Variants in SELENOI observed in about 807,000 individuals in gnomAD.
SELENOI encodes selenoprotein I.
A neutral mutation model predicts 50.7 loss-of-function variants in SELENOI; 24 were observed. The observed-to-expected ratio is 0.47, with a 90% CI of 0.34 to 0.67. The LOEUF (loss-of-function observed/expected upper bound fraction) is 0.67, where lower values mean the gene tolerates loss of function less well. Ranked by LOEUF, SELENOI falls within the 30% of genes least tolerant of loss-of-function variation. SELENOI has a pLI of 0.01. For synonymous variants in SELENOI, 155 were observed against 170.2 expected (o/e 0.91, Z 0.70); for missense variants, 352 against 461.4 (o/e 0.76, Z 2.17).
intron 6 of SELENOI, among the ~76,000 whole-genome samples, chr2:26,376,028 C>T (rs1405533714): frequency 1.3e-5 from 2 of 148,566 alleles, no homozygotes; most frequent in East Asian, 4.0e-4. Flanking sequence ...TACCGGAGCC[C>T]AGTGAGCTAT....
At chr2:26,358,613 C>G (rs1677112618) in intron 1 of SELENOI, among the ~76,000 whole-genome samples, 1 of 152,168 alleles carries the variant, frequency 6.6e-6, no homozygotes, top group Admixed American at 6.5e-5. Context: ...ATTAGCATGA[C>G]CAGATTTATA....
chr2:26,372,928 G>A (rs894160057), intron 4 of SELENOI, among the ~76,000 whole-genome samples: 1 of 152,072 alleles, frequency 6.6e-6, no homozygotes, highest in African/African-American at 2.4e-5. Context: ...TCGCTCTGTT[G>A]CCCAGACTGG....
intron 1 of SELENOI, among the ~76,000 whole-genome samples, chr2:26,359,117 T>C (rs901350112): frequency 6.6e-6 from 1 of 152,218 alleles, no homozygotes; most frequent in African/African-American, 2.4e-5. Flanking sequence ...GTGACTGCTT[T>C]CCTGTTCCAA....
At position 26,395,188 on chromosome 2, in the gene SELENOI, A is replaced by G. The variant is rs567937487; in HGVS notation, c.*6085A>G. 2.0e-5 allele frequency: 3 copies of G among 152,310 alleles called. No individual in the cohort carries two copies. Among genetic ancestry groups the G allele is most frequent in the Non-Finnish European group, 2.9e-5 (2 of 68,032 alleles). The allele number at this position is 152,310 out of a possible 1,614,324, so 9.4% of individuals were successfully genotyped here. ...TATTCACTACATATGTATGTATGATATATTCATATATACATGCAGTCTGCT... is the reference window on the plus strand; with the variant it reads ...TATTCACTACATATGTATGTATGATGTATTCATATATACATGCAGTCTGCT... On this transcript the variant is annotated 3_prime_UTR_variant, in exon 10 of 10. Transcript: ENST00000260585.
chr2:26,370,958 G>A (rs1181649402), intron 4 of SELENOI, among the ~76,000 whole-genome samples: 3 of 136,538 alleles, frequency 2.2e-5, no homozygotes, highest in Admixed American at 7.0e-5. Context: ...CCCGGATGGG[G>A]CGGCTGGCCG....
chr2:26,378,901 C>A (rs1259127156), intron 6 of SELENOI, among the ~76,000 whole-genome samples: 2 of 152,156 alleles, frequency 1.3e-5, no homozygotes, highest in African/African-American at 4.8e-5. Context: ...ATAAGGTTTT[C>A]TGTAAAAGAA....
chr2:26,370,011 C>G (rs1181005979), intron 4 of SELENOI, among the ~76,000 whole-genome samples: 1 of 149,784 alleles, frequency 6.7e-6, no homozygotes, highest in Non-Finnish European at 1.5e-5. Context: ...TGTGGCCTTC[C>G]GCAGCGTTTG....
intron 6 of SELENOI, among the ~76,000 whole-genome samples, chr2:26,378,908 A>C (rs1677624697): frequency 6.6e-6 from 1 of 152,220 alleles, no homozygotes; most frequent in African/African-American, 2.4e-5. Flanking sequence ...TTTCTGTAAA[A>C]GAACCACAAT....
chr2:26,358,862 C>T (rs537073399), intron 1 of SELENOI, among the ~76,000 whole-genome samples: 149 of 152,186 alleles, frequency 9.8e-4, no homozygotes, highest in African/African-American at 3.2e-3. Flanking sequence ...TTAGTTGTCC[C>T]GGGAATTAAT....
intron 1 of SELENOI, among the ~76,000 whole-genome samples, chr2:26,349,002 T>A (rs1676889276): frequency 7.2e-5 from 1 of 13,974 alleles, no homozygotes; most frequent in African/African-American, 2.7e-4. Context: ...CAGGCTTTTT[T>A]TTTTTTTTTT....
At chr2:26,383,263 G>A (rs1342620339) in intron 6 of SELENOI, 36 bp from the exon 7 acceptor site, 2 of 1,463,058 alleles carry the variant, frequency 1.4e-6, no homozygotes, top group African/African-American at 1.4e-5. Context: ...AATTGCTCTT[G>A]AATAAGCATA....
intron 1 of SELENOI, among the ~76,000 whole-genome samples, chr2:26,362,727 G>A (rs1677207366): frequency 6.6e-6 from 1 of 151,944 alleles, no homozygotes; most frequent in South Asian, 2.1e-4. Context: ...CTGCATTCCC[G>A]CCTGGGTGAC....
chr2:26,373,617 C>T lies in SELENOI; in HGVS notation c.561C>T (p.Asp187=). 1 of 1,613,784 alleles carries T rather than the reference C, an allele frequency of 6.2e-7. No homozygotes were observed. The highest frequency in any genetic ancestry group is 8.5e-7 in the Non-Finnish European group (1 of 1,179,810). ...TGILFLPWGY[D]ISQVTISFVY... Reference sequence around the variant, plus strand: ...TTCTTTTCCTGCCATGGGGATATGACATTAGCCAGGTGGTAAGTATGTGTT... The same window carrying T: ...TTCTTTTCCTGCCATGGGGATATGATATTAGCCAGGTGGTAAGTATGTGTT... Residue 187 remains aspartate (D), a synonymous_variant, in exon 5 of 10, where the codon GAC becomes GAT. Transcript: ENST00000260585.
chr2:26,354,338 G>A (rs914588837), intron 1 of SELENOI, among the ~76,000 whole-genome samples: 8 of 152,120 alleles, frequency 5.3e-5, no homozygotes, highest in African/African-American at 1.9e-4. Flanking sequence ...AAAACTAAGA[G>A]TGAAATATAA....
chr2:26,380,199 C>A (rs1421844299), intron 6 of SELENOI, among the ~76,000 whole-genome samples: 2 of 152,152 alleles, frequency 1.3e-5, no homozygotes, highest in Non-Finnish European at 2.9e-5. Context: ...GAGGTATATT[C>A]AAAGAAGTCT....
chr2:26,360,356 G>C (rs1677150367), intron 1 of SELENOI, among the ~76,000 whole-genome samples: 1 of 152,152 alleles, frequency 6.6e-6, no homozygotes, highest in African/African-American at 2.4e-5. Flanking sequence ...AGCTGTTATT[G>C]AATGTCAAAT....
chr2:26,374,974 C>G, intron 5 of SELENOI, 66 bp from the exon 6 acceptor site: 1 of 1,074,684 alleles, frequency 9.3e-7, no homozygotes, highest in Non-Finnish European at 1.4e-6. Context: ...CTGCATAAAG[C>G]ATGGTGACTC....
At chr2:26,386,635 A>G in intron 9 of SELENOI, 99 bp downstream of exon 9, 1 of 1,050,470 alleles carries the variant, frequency 9.5e-7, no homozygotes, top group Non-Finnish European at 1.3e-6. Flanking sequence ...TTTTAAAAAG[A>G]AAGTTGCTTA....
At position 26,389,085 on chromosome 2, in the gene SELENOI, A is replaced by G. The variant is rs544724914; in HGVS notation, c.1176A>G (p.Glu392=). 2.8e-4 allele frequency: 444 copies of G among 1,578,196 alleles called. 3 individuals carry two copies. In the South Asian group the frequency reaches 4.8e-3, roughly 17 times the overall value. ...KPNSDULGME[E]KNIGL ...ACTCAGATTGACTAGGAATGGAAGAAAAGAATATTGGCCTGTAATAATCTT... is the reference window on the plus strand; with the variant it reads ...ACTCAGATTGACTAGGAATGGAAGAGAAGAATATTGGCCTGTAATAATCTT... The change falls in exon 10 of 10, where the codon GAA becomes GAG. Residue 392 remains glutamate, a synonymous_variant. Coordinates refer to ENST00000260585, the MANE Select transcript of SELENOI (RefSeq NM_033505.4).
Sources: gnomAD v4.1 joint callset for allele counts (sites outside exome capture counted in the v4.1 genomes callset) on GRCh38, gnomAD v4.1.1 for gene constraint, MANE v1.5 for transcripts, NCBI Gene and HGNC (gene_info 2026-07-23, HGNC 2026-07-21) for gene names.